ENOX2: variants seen among roughly 807,000 people sequenced by gnomAD.
ENOX2 encodes APK1 antigen.
A neutral mutation model predicts 45.0 loss-of-function variants in ENOX2; 36 were observed. The observed-to-expected ratio is 0.80, with a 90% confidence interval of 0.61 to 1.06. The LOEUF (loss-of-function observed/expected upper bound fraction) is 1.06, where lower values mean the gene tolerates loss of function less well. ENOX2 is among the 50% of genes least tolerant of loss of function. ENOX2 has a pLI of 0.00. For synonymous variants in ENOX2, 174 were observed against 152.3 expected, an observed-to-expected ratio of 1.14 and a Z score of -1.05; for missense variants, 423 against 462.5, an observed-to-expected ratio of 0.91 and a Z score of 0.78.
intron 3 of ENOX2, among the ~76,000 whole-genome samples, chrX:130,715,852 T>C (rs2038317021): frequency 2.7e-5 from 3 of 112,093 alleles, no homozygotes; most frequent in Non-Finnish European, 5.6e-5. Context: ...ACCCATCTTA[T>C]AGAGCTATAG....
intron 9 of ENOX2, among the ~76,000 whole-genome samples, chrX:130,659,009 A>G (rs1362561714): frequency 8.9e-6 from 1 of 112,057 alleles, no homozygotes; most frequent in Non-Finnish European, 1.9e-5. Flanking sequence ...AAGCACAACA[A>G]CTGTGCATTT....
chrX:130,751,206 TCCCTTCCC>T (rs923608990), intron 3 of ENOX2, among the ~76,000 whole-genome samples: 1 of 111,545 alleles, frequency 9.0e-6, no homozygotes, highest in African/African-American at 3.3e-5. Flanking sequence ...CCTCCCTTCC[TCCCTTCCC>T]CTAGCCACCG....
intron 4 of ENOX2, among the ~76,000 whole-genome samples, chrX:130,691,690 C>G: frequency 8.9e-6 from 1 of 112,559 alleles, no homozygotes; most frequent in Non-Finnish European, 1.9e-5. Flanking sequence ...TTTTCCTCTT[C>G]TACTGAAATG....
At chrX:130,699,923 C>T (rs1436251051) in intron 4 of ENOX2, among the ~76,000 whole-genome samples, 2 of 112,326 alleles carry the variant, frequency 1.8e-5, no homozygotes, top group Non-Finnish European at 3.8e-5. Flanking sequence ...GAACTTGAAA[C>T]ACTAATAACA....
intron 3 of ENOX2, among the ~76,000 whole-genome samples, chrX:130,733,636 C>T (rs762974574): frequency 8.9e-6 from 1 of 112,246 alleles, no homozygotes; most frequent in Non-Finnish European, 1.9e-5. Context: ...TGGATACACA[C>T]GATTATTCAA....
At chrX:130,658,596 CTAAAGA>C (rs2036606277) in intron 9 of ENOX2, among the ~76,000 whole-genome samples, 1 of 111,718 alleles carries the variant, frequency 9.0e-6, no homozygotes, top group Non-Finnish European at 1.9e-5. Flanking sequence ...CAGCAGAAAG[CTAAAGA>C]TAAACTCTGG....
At chrX:130,751,571 T>A (rs1764152181) in intron 3 of ENOX2, among the ~76,000 whole-genome samples, 1 of 111,951 alleles carries the variant, frequency 8.9e-6, no homozygotes, top group African/African-American at 3.2e-5. Flanking sequence ...TCCTTTTGGA[T>A]ATACCCAGCA....
At chrX:130,797,205 A>G (rs1056379068) in intron 2 of ENOX2, among the ~76,000 whole-genome samples, 4 of 111,951 alleles carry the variant, frequency 3.6e-5, no homozygotes, top group South Asian at 7.5e-4. Flanking sequence ...GAGGCAGGAA[A>G]AGTATAAGCC....
intron 10 of ENOX2, among the ~76,000 whole-genome samples, chrX:130,639,326 T>G (rs1052502632): frequency 7.2e-5 from 8 of 111,630 alleles, no homozygotes; most frequent in Non-Finnish European, 1.3e-4. Context: ...TGTGTGTGTG[T>G]GGGTGGGGGG....
intron 2 of ENOX2, among the ~76,000 whole-genome samples, chrX:130,788,948 C>T (rs1344012607): frequency 9.0e-6 from 1 of 110,967 alleles, no homozygotes; most frequent in Non-Finnish European, 1.9e-5. Context: ...CATCTAAAAC[C>T]AAGTTGACTG....
At chrX:130,853,415 G>A (rs1430145711) in intron 2 of ENOX2, among the ~76,000 whole-genome samples, 12 of 90,761 alleles carry the variant, frequency 1.3e-4, no homozygotes, top group Admixed American at 5.3e-4. Context: ...AGTGAGCCGA[G>A]ATCGCGCCAC....
intron 2 of ENOX2, among the ~76,000 whole-genome samples, chrX:130,833,181 C>G (rs1334986380): frequency 9.0e-6 from 1 of 110,845 alleles, no homozygotes; most frequent in East Asian, 2.8e-4. Context: ...ATCTGAGATA[C>G]GGAGGGGATT....
chrX:130,799,194 C>T (rs1207957576), intron 2 of ENOX2, among the ~76,000 whole-genome samples: 1 of 111,712 alleles, frequency 9.0e-6, no homozygotes, highest in Admixed American at 9.5e-5. Flanking sequence ...CATGGAAGGA[C>T]TAGACTGGCT....
intron 3 of ENOX2, among the ~76,000 whole-genome samples, chrX:130,751,471 C>G (rs899196293): frequency 1.8e-5 from 2 of 111,850 alleles, no homozygotes; most frequent in African/African-American, 6.5e-5. Flanking sequence ...AGGTTTGTTT[C>G]CACCTTTTTG....
intron 2 of ENOX2, among the ~76,000 whole-genome samples, chrX:130,852,680 G>A (rs1298148819): frequency 1.8e-5 from 2 of 111,081 alleles, no homozygotes; most frequent in Non-Finnish European, 3.8e-5. Context: ...CAGTCATGGA[G>A]TTGAGACATT....
At chrX:130,775,886 A>G in intron 3 of ENOX2, among the ~76,000 whole-genome samples, 1 of 111,676 alleles carries the variant, frequency 9.0e-6, no homozygotes, top group East Asian at 2.8e-4. Flanking sequence ...TAACCATAAA[A>G]GTATTATCTG....
intron 11 of ENOX2, 40 bp downstream of exon 11, chrX:130,637,189 C>G (rs772824031): frequency 8.9e-7 from 1 of 1,121,989 alleles, no homozygotes; most frequent in Admixed American, 2.2e-5. Context: ...GAAGCTGATG[C>G]TATTCTACCC....
chrX:130,631,524 A>G lies in ENOX2; in HGVS notation c.1472T>C (p.Leu491Pro), dbSNP rs886528662. 4.1e-6 allele frequency: 5 copies of G among 1,207,026 alleles called. No individual in the cohort carries two copies. Among genetic ancestry groups the G allele is most frequent in the South Asian group, 1.8e-5 (1 of 56,888 alleles). Reference protein sequence around the residue: ...CASNQDSEYPLEKTMNSSPIK... With the variant: ...CASNQDSEYPPEKTMNSSPIK... ...AGGACTGCTGTTCATGGTCTTCTCAAGAGGGTATTCGCTATCCTGGTTTGA... is the reference window on the plus strand; with the variant it reads ...AGGACTGCTGTTCATGGTCTTCTCAGGAGGGTATTCGCTATCCTGGTTTGA... Residue 491 changes from leucine to proline, a missense_variant, in exon 13 of 15, where the codon CTT (leucine) becomes CCT (proline). By Grantham distance (98) the Leu-to-Pro change is moderately conservative (BLOSUM62 -3). Transcript: ENST00000394363.
chrX:130,662,878 C>A (rs181827783), intron 9 of ENOX2, among the ~76,000 whole-genome samples: 1 of 111,595 alleles, frequency 9.0e-6, no homozygotes, highest in Non-Finnish European at 1.9e-5. Flanking sequence ...ATCAAACAAG[C>A]GGGAAGGATT....
Sources: allele counts gnomAD v4.1 joint callset (sites outside exome capture counted in the v4.1 genomes callset), GRCh38; gene constraint gnomAD v4.1.1; transcripts MANE v1.5; gene names NCBI Gene and HGNC (gene_info 2026-07-23, HGNC 2026-07-21).